The following DRC3 variants were observed in gnomAD, a reference collection of about 807,000 sequenced individuals.
DRC3 encodes the protein leucine rich repeat containing 48.
Under a neutral mutation model 57.6 loss-of-function variants are expected in DRC3, and 45 were observed. The observed-to-expected ratio is 0.78, with a 90% confidence interval of 0.62 to 1.00. The LOEUF (loss-of-function observed/expected upper bound fraction) is 1.00, where lower values mean the gene tolerates loss of function less well. DRC3 is among the 50% of genes least tolerant of loss of function. The pLI is 0.00. For missense variants in DRC3, 655 were observed against 675.2 expected, an observed-to-expected ratio of 0.97 and a Z score of 0.33; for synonymous variants, 257 against 272.3, an observed-to-expected ratio of 0.94 and a Z score of 0.55.
chr17:17,976,713 G>A (rs1169598972), intron 2 of DRC3, among the ~76,000 whole-genome samples: 4 of 152,142 alleles, frequency 2.6e-5, no homozygotes, highest in African/African-American at 9.7e-5. Context: ...TAACCTACTG[G>A]AGCTAGCTTA....
rs113487468 is a variant in DRC3, at chr17:18,000,357, A to AGTGT, written c.999+2745_999+2748dup. ...CTGTTCTGTACTTTGCTTTCACGTG[A>AGTGT]GTGTGTGTGTGTGTGTGTGTGTGTG... On this transcript the variant is annotated intron_variant, in intron 9 of 13. Coordinates refer to ENST00000399187, the MANE Select transcript of DRC3 (RefSeq NM_031294.4). 6.6e-3 allele frequency among the ~76,000 whole-genome samples: 431 copies of AGTGT among 65,322 alleles called. 1 individual carries two copies. Among genetic ancestry groups the AGTGT allele is most frequent in the East Asian group, 0.023 (56 of 2,384 alleles). The allele number at this position is 65,322 out of a possible 152,430, so 42.9% of individuals were successfully genotyped here.
Position 18,016,060 on chromosome 17 carries a change from C to T in DRC3, c.1327-4C>T, listed in dbSNP as rs1429335152. On this transcript the variant is annotated splice_polypyrimidine_tract_variant and splice_region_variant and intron_variant, in intron 12 of 13. Coordinates refer to ENST00000399187, the MANE Select transcript of DRC3 (RefSeq NM_031294.4). ...TTTCTCATTGGATTCTTTTCACTCA[C>T]CAGCTTTTTGTCGATAAAGATACGA... 2 of 1,613,016 alleles carry T rather than the reference C, an allele frequency of 1.2e-6. No homozygotes were observed. The highest frequency in any genetic ancestry group is 1.3e-5 in the African/African-American group (1 of 74,920).
At chr17:17,997,358 G>A (rs2043501225) in intron 8 of DRC3, 102 bp from the exon 9 acceptor site, 2 of 1,037,396 alleles carry the variant, frequency 1.9e-6, no homozygotes, top group South Asian at 3.1e-5. Context: ...ACACACTGTT[G>A]AGCGCACAGT....
intron 9 of DRC3, among the ~76,000 whole-genome samples, chr17:18,003,429 G>GAGGTTGCAGAGGT (rs1378069941): frequency 1.5e-5 from 2 of 135,442 alleles, no homozygotes; most frequent in East Asian, 2.4e-4. Flanking sequence ...AGGTTGCAGT[G>GAGGTTGCAGAGGT]ACCGAGATCG....
intron 5 of DRC3, among the ~76,000 whole-genome samples, chr17:17,990,166 C>T (rs534895737): frequency 6.6e-6 from 1 of 152,178 alleles, no homozygotes; most frequent in Admixed American, 6.5e-5. Context: ...TGATCAAGCC[C>T]CCTCAGGGTC....
chr17:17,973,576 A>C (rs1357319477), intron 1 of DRC3: 4 of 152,090 alleles, frequency 2.6e-5, no homozygotes, highest in Admixed American at 2.6e-4. Context: ...GTAAGCATTC[A>C]GTAAGTGATT....
At chr17:17,992,327 G>A (rs1284251788) in intron 5 of DRC3, among the ~76,000 whole-genome samples, 2 of 152,108 alleles carry the variant, frequency 1.3e-5, no homozygotes, top group African/African-American at 2.4e-5. Context: ...AAATAGAAGG[G>A]TATGCCTATG....
At chr17:18,007,506 T>TA (rs2044023769) in intron 12 of DRC3, 2 of 1,549,064 alleles carry the variant, frequency 1.3e-6, no homozygotes, top group African/African-American at 2.7e-5. Flanking sequence ...TTCTTAACCT[T>TA]AGAGTCTGTA....
intron 11 of DRC3, 55 bp downstream of exon 11, chr17:18,006,308 T>G: frequency 7.6e-7 from 1 of 1,312,294 alleles, no homozygotes; most frequent in South Asian, 1.2e-5. Flanking sequence ...GCCCCTGGGC[T>G]TGTCCCGGCC....
intron 13 of DRC3, 162 bp downstream of exon 13, chr17:18,016,357 G>T: frequency 1.1e-6 from 1 of 909,128 alleles, no homozygotes; most frequent in East Asian, 2.5e-5. Context: ...ATTGCCCAGA[G>T]ACTTTAAAAC....
Position 18,008,193 on chromosome 17 carries a change from C to T in DRC3, c.1326+1046C>T, listed in dbSNP as rs996786280. 2.0e-5 allele frequency among the ~76,000 whole-genome samples: 3 copies of T among 152,190 alleles called. No homozygotes were observed. The highest frequency in any genetic ancestry group is 7.2e-5 in the African/African-American group (3 of 41,436). ...GTTGATATTCCACCTGGCAGACACG[C>T]TCTTCCTAGGTCCCCATGTGCCTGG... On this transcript the variant is annotated intron_variant, in intron 12 of 13. Coordinates refer to ENST00000399187, the MANE Select transcript of DRC3 (RefSeq NM_031294.4). This position sits in a 1 kb window ranked among gnomAD's most constrained non-coding sequence, Gnocchi z 4.3.
intron 3 of DRC3, among the ~76,000 whole-genome samples, chr17:17,978,843 C>A (rs1474795120): frequency 2.0e-5 from 3 of 152,230 alleles, no homozygotes; most frequent in Non-Finnish European, 2.9e-5. Context: ...CAGTATTGAA[C>A]ACCTGCCTGT....
chr17:17,974,880 G>A (rs1365792551), intron 2 of DRC3, among the ~76,000 whole-genome samples: 1 of 152,180 alleles, frequency 6.6e-6, no homozygotes. Flanking sequence ...GCATATAGCA[G>A]TTACTCACTA....
intron 12 of DRC3, 133 bp downstream of exon 12, chr17:18,007,280 C>T: frequency 9.0e-7 from 1 of 1,105,782 alleles, no homozygotes; most frequent in Non-Finnish European, 1.3e-6. Context: ...GGCACACTAA[C>T]CTGCTTTACA....
Position 17,994,334 on chromosome 17 carries a change from C to A in DRC3, c.627C>A (p.Ile209=), listed in dbSNP as rs376111177. 6.4e-7 allele frequency: 1 copy of A among 1,554,278 alleles called. No homozygotes were observed. Among genetic ancestry groups the A allele is most frequent in the South Asian group, 1.2e-5 (1 of 84,126 alleles). Residue 209 remains isoleucine, a synonymous_variant, in exon 7 of 14, where the codon ATC becomes ATA. Transcript: ENST00000399187. ...KLAEAKHQYS[I]DELKHQENLM... ...CGGAGGCTAAGCACCAGTACAGCAT[C>A]GACGAGCTGAAGCACCAGGAGAACC...
At chr17:17,991,073 C>T (rs2043203790) in intron 5 of DRC3, among the ~76,000 whole-genome samples, 1 of 152,164 alleles carries the variant, frequency 6.6e-6, no homozygotes, top group Non-Finnish European at 1.5e-5. Flanking sequence ...GCAGGGACCC[C>T]ACAGGCCTTG....
At chr17:17,999,679 A>G (rs999522849) in intron 9 of DRC3, among the ~76,000 whole-genome samples, 1 of 152,146 alleles carries the variant, frequency 6.6e-6, no homozygotes, top group Non-Finnish European at 1.5e-5. Context: ...CACATTATTG[A>G]CCCTCTCCTA....
intron 13 of DRC3, 40 bp from the exon 14 acceptor site, chr17:18,016,518 G>T: frequency 1.4e-6 from 2 of 1,380,088 alleles, no homozygotes; most frequent in South Asian, 1.2e-5. Flanking sequence ...ATTAACCAAT[G>T]ATCTGATGTA....
rs1269054771 is a variant in DRC3 at position 18,003,682 on chromosome 17, G to A, written c.1000-681G>A. Among the ~76,000 whole-genome samples, 537 of 118,958 alleles carry A rather than the reference G, an allele frequency of 4.5e-3. 3 individuals are homozygous for A. Among genetic ancestry groups the A allele is most frequent in the African/African-American group, 0.017 (519 of 31,106 alleles). 78.0% of individuals were successfully genotyped at this position (118,958 alleles called of 152,430 possible). A position where few individuals can be genotyped will look rare whatever the true frequency, so the allele number is the denominator to read the frequency against. ...TTTTGAGACAGAGTCTCACTCTGTC[G>A]CCCAGGCTGGAGTGCAGTGGCACAA... On this transcript the variant is annotated intron_variant, in intron 9 of 13. Coordinates refer to ENST00000399187, the MANE Select transcript of DRC3 (RefSeq NM_031294.4).
Sources: allele counts gnomAD v4.1 joint callset (sites outside exome capture counted in the v4.1 genomes callset), GRCh38; gene constraint gnomAD v4.1.1; non-coding constraint Gnocchi (gnomAD v3.1); transcripts MANE v1.5; gene names NCBI Gene and HGNC (gene_info 2026-07-23, HGNC 2026-07-21).